NFAT5: variants seen among roughly 807,000 people sequenced by gnomAD.
NFAT5 encodes the protein nuclear factor of activated T cells 5, also known as nuclear factor of activated T-cells 5.
NFAT5 carries 31 observed loss-of-function variants against 166.5 expected under a neutral mutation model. That is an observed-to-expected ratio of 0.19 (90% CI 0.14 to 0.25). The LOEUF is 0.25. Ranked by LOEUF, NFAT5 falls within the 10% of genes least tolerant of loss-of-function variation. The pLI is 1.00. For synonymous variants in NFAT5, 612 were observed against 639.7 expected, an observed-to-expected ratio of 0.96 and a Z score of 0.65; for missense variants, 1,449 against 1,821.8, an observed-to-expected ratio of 0.80 and a Z score of 3.72.
rs143375573 is a variant in NFAT5, at chr16:69,583,071, A to C, written c.127+14523A>C. ...TTAAAAATTTATTTATAAGTATTCCATTCTTTTTTAATCATTGTTTTTTAA... is the reference window on the plus strand; with the variant it reads ...TTAAAAATTTATTTATAAGTATTCCCTTCTTTTTTAATCATTGTTTTTTAA... On this transcript the variant is annotated intron_variant, in intron 2 of 14. Transcript: ENST00000349945. Among the ~76,000 whole-genome samples the C allele has an allele frequency of 5.1e-4, 78 of 151,742 alleles. 1 individual carries two copies. The highest frequency in any genetic ancestry group is 1.8e-3 in the African/African-American group (75 of 41,520).
intron 2 of NFAT5, among the ~76,000 whole-genome samples, chr16:69,599,222 A>C (rs78003443): frequency 0.024 from 3,694 of 151,960 alleles, 269 homozygotes; most frequent in East Asian, 0.16. Context: ...TATACTAAAA[A>C]CACTGAATCA....
At chr16:69,675,661 C>T (rs557610822) in intron 9 of NFAT5, among the ~76,000 whole-genome samples, 18 of 152,042 alleles carry the variant, frequency 1.2e-4, no homozygotes, top group Non-Finnish European at 2.6e-4. Context: ...GTTTTGGAGA[C>T]AGAGTTACGC....
chr16:69,628,552 A>G (rs953247870), intron 3 of NFAT5, among the ~76,000 whole-genome samples: 1 of 152,226 alleles, frequency 6.6e-6, no homozygotes, highest in Non-Finnish European at 1.5e-5. Context: ...ATACCTTACC[A>G]TTATAAACAA....
chr16:69,568,342 A>ATGTGTGTGTGTGTGTGTGTGTGTGTG (rs1490882720), intron 1 of NFAT5, among the ~76,000 whole-genome samples, 153 bp from the exon 2 acceptor site: 23 of 47,926 alleles, frequency 4.8e-4, no homozygotes, highest in Non-Finnish European at 6.8e-4. Context: ...GTGTATATAT[A>ATGTGTGTGTGTGTGTGTGTGTGTGTG]TATATGTGTG....
At chr16:69,609,679 G>A (rs776021995) in intron 2 of NFAT5, among the ~76,000 whole-genome samples, 4 of 151,908 alleles carry the variant, frequency 2.6e-5, no homozygotes, top group Non-Finnish European at 5.9e-5. Context: ...TCTTTGTGTA[G>A]AATAGAAAAG....
rs2151737546 is a variant in NFAT5, at chr16:69,703,965, T to C, written c.*7614T>C. The C allele has an allele frequency of 6.6e-6, 1 of 152,554 alleles. No homozygotes were observed. Among genetic ancestry groups the C allele is most frequent in the South Asian group, 2.1e-4 (1 of 4,822 alleles). 9.5% of individuals were successfully genotyped at this position (152,554 alleles called of 1,614,324 possible). A position where few individuals can be genotyped will look rare whatever the true frequency, so the allele number is the denominator to read the frequency against. On this transcript the variant is annotated 3_prime_UTR_variant, in exon 15 of 15. Coordinates refer to ENST00000349945, the MANE Select transcript of NFAT5 (RefSeq NM_138713.4). ...CCTGGTTTGAAATATTTTGTAGGGA[T>C]TGCTTATTATATTATTTTAGCTGAT...
At chr16:69,669,764 C>A (rs2151670685) in intron 7 of NFAT5, among the ~76,000 whole-genome samples, 1 of 152,310 alleles carries the variant, frequency 6.6e-6, no homozygotes, top group Non-Finnish European at 1.5e-5. Flanking sequence ...CACATTACTT[C>A]AGTTCATATT....
intron 9 of NFAT5, among the ~76,000 whole-genome samples, chr16:69,674,695 A>G (rs914055512): frequency 1.3e-5 from 2 of 152,184 alleles, no homozygotes; most frequent in Admixed American, 1.3e-4. Context: ...CTAATTGTAG[A>G]TATTCTAATT....
chr16:69,664,731 G>A lies in NFAT5; in HGVS notation c.1369+4832G>A, dbSNP rs540438757. ...TAAGCATTATTCCTTTCAAGAGTCA[G>A]CTTATAAATAACTTGGTCGGGCGCA... On this transcript the variant is annotated intron_variant, in intron 7 of 14. Coordinates refer to ENST00000349945, the MANE Select transcript of NFAT5 (RefSeq NM_138713.4). 2.6e-5 allele frequency among the ~76,000 whole-genome samples: 4 copies of A among 152,092 alleles called. No homozygotes were observed. The South Asian group carries it at 8.3e-4, about 32-fold the overall frequency.
intron 2 of NFAT5, among the ~76,000 whole-genome samples, chr16:69,605,960 G>A (rs1403063923): frequency 3.9e-5 from 6 of 152,060 alleles, no homozygotes; most frequent in Admixed American, 6.5e-5. Context: ...TGATCCACCC[G>A]CCTCGGCCTC....
chr16:69,609,893 A>C (rs1304640668), intron 2 of NFAT5, among the ~76,000 whole-genome samples: 1 of 151,694 alleles, frequency 6.6e-6, no homozygotes, highest in African/African-American at 2.4e-5. Flanking sequence ...TAGGCCCAGC[A>C]TACTTGGGAC....
intron 10 of NFAT5, among the ~76,000 whole-genome samples, chr16:69,680,522 G>C (rs951790694): frequency 3.3e-5 from 5 of 152,070 alleles, no homozygotes; most frequent in African/African-American, 1.2e-4. Flanking sequence ...TACTTCAAAG[G>C]CTATACTAAT....
intron 3 of NFAT5, among the ~76,000 whole-genome samples, chr16:69,638,242 CAAAAACA>C (rs2035051528): frequency 6.6e-6 from 1 of 151,766 alleles, no homozygotes. Flanking sequence ...CAAGCAACAA[CAAAAACA>C]AAAAACAAAA....
chr16:69,572,090 G>A (rs978370298), intron 2 of NFAT5, among the ~76,000 whole-genome samples: 2 of 152,172 alleles, frequency 1.3e-5, no homozygotes, highest in African/African-American at 4.8e-5. Context: ...AACTTTAGAA[G>A]TAGATTCAAA....
Position 69,567,406 on chromosome 16 carries a change from C to T in NFAT5, c.73+1032C>T, listed in dbSNP as rs1048593542. Reference sequence around the variant, plus strand: ...AAATATTCCCACTGCGCTCTTTACGCTTTTTAAACCACCGGGAGGGGGCAA... The same window carrying T: ...AAATATTCCCACTGCGCTCTTTACGTTTTTTAAACCACCGGGAGGGGGCAA... On this transcript the variant is annotated intron_variant, in intron 1 of 14. Coordinates refer to ENST00000349945, the MANE Select transcript of NFAT5 (RefSeq NM_138713.4). Among the ~76,000 whole-genome samples the T allele has an allele frequency of 2.6e-5, 4 of 152,198 alleles. No homozygotes were observed. In the South Asian group the frequency reaches 8.3e-4, roughly 32 times the overall value.
chr16:69,669,390 C>A (rs1317331335), intron 7 of NFAT5, among the ~76,000 whole-genome samples: 2 of 151,986 alleles, frequency 1.3e-5, no homozygotes, highest in African/African-American at 4.8e-5. Context: ...ACTAAAAATA[C>A]AAAAATTAGC....
At chr16:69,608,990 A>G (rs2151553003) in intron 2 of NFAT5, among the ~76,000 whole-genome samples, 1 of 151,510 alleles carries the variant, frequency 6.6e-6, no homozygotes, top group South Asian at 2.1e-4. Context: ...GCGTGGTGGC[A>G]GGCATCTGTA....
At chr16:69,658,565 A>C (rs8052086) in intron 6 of NFAT5, among the ~76,000 whole-genome samples, 33,352 of 152,072 alleles carry the variant, frequency 0.22, 3,972 homozygotes, top group East Asian at 0.45. Context: ...GGCCTGGCAC[A>C]GTGGCTTGTA....
At chr16:69,586,161 T>C (rs185511907) in intron 2 of NFAT5, among the ~76,000 whole-genome samples, 1 of 152,278 alleles carries the variant, frequency 6.6e-6, no homozygotes, top group Admixed American at 6.5e-5. Flanking sequence ...TAAAAGAATA[T>C]AGTGTTTTAG....
Sources: allele counts gnomAD v4.1 joint callset (sites outside exome capture counted in the v4.1 genomes callset), GRCh38; gene constraint gnomAD v4.1.1; transcripts MANE v1.5; gene names NCBI Gene and HGNC (gene_info 2026-07-23, HGNC 2026-07-21).